Variants in PIRT observed in about 807,000 individuals in gnomAD.
PIRT encodes the protein phosphoinositide interacting regulator of transient receptor potential channels, also known as phosphoinositide-interacting protein.
A neutral mutation model predicts 7.9 loss-of-function variants in PIRT; 6 were observed. That is an observed-to-expected ratio of 0.76 (90% CI 0.42 to 1.51). PIRT has a LOEUF of 1.51. PIRT is among the 40% of genes most tolerant of loss of function. The probability of loss-of-function intolerance (pLI) is 0.01; values close to 1 mark genes in which losing one functional copy is unlikely to be tolerated. For missense variants in PIRT, 170 were observed against 172.9 expected (o/e 0.98, Z 0.09); for synonymous variants, 78 against 71.8 (o/e 1.09, Z -0.44).
rs1905291633 is a variant in PIRT at position 10,825,488 on chromosome 17, CG to C, written c.157del (p.Arg53AlafsTer27). On this transcript the variant is annotated frameshift_variant, in exon 2 of 2. Coordinates refer to ENST00000580256, the MANE Select transcript of PIRT (RefSeq NM_001101387.2). LOFTEE classifies it high-confidence loss of function. ...CACTGACATGATAACGATGGGCTTG[CG>C]GTAGATTTCCCAGTTACTCCTGGGG... ...TTPRSNWEIYRKPIVIMSVGG... is the reference protein window; with the variant it reads ...TTPRSNWEIYXKPIVIMSVGG... 1 of 1,613,720 alleles carries C rather than the reference CG, an allele frequency of 6.2e-7. No homozygotes were observed. Among genetic ancestry groups the C allele is most frequent in the South Asian group, 1.1e-5 (1 of 91,068 alleles).
chr17:10,832,413 G>A (rs549156300), intron 1 of PIRT, among the ~76,000 whole-genome samples: 12 of 152,120 alleles, frequency 7.9e-5, no homozygotes, highest in South Asian at 4.1e-4. Context: ...GGCTGGTCTC[G>A]AACTCCCAAC....
intron 1 of PIRT, among the ~76,000 whole-genome samples, chr17:10,826,660 T>C (rs1659091003): frequency 6.6e-6 from 1 of 152,202 alleles, no homozygotes; most frequent in African/African-American, 2.4e-5. Context: ...AGCAACTTCT[T>C]GAAGATCACA....
rs1238443789 is a variant in PIRT, at chr17:10,824,828, A to G, written c.*404T>C. 5.3e-6 allele frequency: 1 copy of G among 189,204 alleles called. No individual in the cohort carries two copies. The highest frequency in any genetic ancestry group is 1.1e-5 in the Non-Finnish European group (1 of 90,410). The allele number at this position is 189,204 out of a possible 1,614,324, so 11.7% of individuals were successfully genotyped here. On this transcript the variant is annotated 3_prime_UTR_variant, in exon 2 of 2. Transcript: ENST00000580256. The stretch of plus-strand genomic sequence containing the variant: ...TCCGTGGGTCAGTTTTGGTTCCAGA[A>G]GTATGCAAATGAAGAATCCAGCTCT...
In PIRT at chr17:10,825,139, T is replaced by A; in HGVS notation, c.*93A>T. 1 of 1,469,316 alleles carries A rather than the reference T, an allele frequency of 6.8e-7. No homozygotes were observed. The highest frequency in any genetic ancestry group is 2.1e-5 in the Admixed American group (1 of 47,496). 91.0% of individuals were successfully genotyped at this position (1,469,316 alleles called of 1,614,324 possible). A position where few individuals can be genotyped will look rare whatever the true frequency, so the allele number is the denominator to read the frequency against. The stretch of plus-strand genomic sequence containing the variant: ...CAGGAAGAGCATTTTCCTGGATCAG[T>A]TTTATGGCACCCCACAGAGGAGACA... On this transcript the variant is annotated 3_prime_UTR_variant, in exon 2 of 2. Transcript: ENST00000580256.
chr17:10,828,700 G>A (rs1905390918), intron 1 of PIRT, among the ~76,000 whole-genome samples: 1 of 152,134 alleles, frequency 6.6e-6, no homozygotes, highest in African/African-American at 2.4e-5. Flanking sequence ...CAATCCTTCC[G>A]ACGACGTCAA....
At position 10,832,261 on chromosome 17, in the gene PIRT, C is replaced by T. The variant is rs1003942321; in HGVS notation, c.-139+5684G>A. On this transcript the variant is annotated intron_variant, in intron 1 of 1. Coordinates refer to ENST00000580256, the MANE Select transcript of PIRT (RefSeq NM_001101387.2). The stretch of plus-strand genomic sequence containing the variant: ...AGGCTGGAGTGCAATGGCACGATCT[C>T]GGCTCACCGCAACCGCCGCCTCCTG... Among the ~76,000 whole-genome samples, 5 of 151,960 alleles carry T rather than the reference C, an allele frequency of 3.3e-5. No individual in the cohort carries two copies. In the East Asian group the frequency reaches 5.8e-4, roughly 18 times the overall value.
chr17:10,834,928 G>A (rs191591302), intron 1 of PIRT, among the ~76,000 whole-genome samples: 1 of 149,650 alleles, frequency 6.7e-6, no homozygotes, highest in African/African-American at 2.5e-5. Context: ...CAGAAGGTTA[G>A]AACCTGACTA....
chr17:10,828,488 A>G (rs1905385407), intron 1 of PIRT, among the ~76,000 whole-genome samples: 1 of 152,102 alleles, frequency 6.6e-6, no homozygotes, highest in Admixed American at 6.6e-5. Flanking sequence ...ATCTCTATTT[A>G]TGAGTGGGAT....
rs1286838467 is a variant in PIRT, at chr17:10,824,370, A to G, written c.*862T>C. 2.6e-5 allele frequency: 4 copies of G among 152,212 alleles called. No individual in the cohort carries two copies. The highest frequency in any genetic ancestry group is 9.6e-5 in the African/African-American group (4 of 41,452). The allele number at this position is 152,212 out of a possible 1,614,324, so 9.4% of individuals were successfully genotyped here. A position where few individuals can be genotyped will look rare whatever the true frequency, so the allele number is the denominator to read the frequency against. On this transcript the variant is annotated 3_prime_UTR_variant, in exon 2 of 2. Transcript: ENST00000580256. Reference sequence around the variant, plus strand: ...TTGATCTTGATGGACGTGAAAGGGAAAACAACCTTACAGGATCCCTCTGTA... The same window carrying G: ...TTGATCTTGATGGACGTGAAAGGGAGAACAACCTTACAGGATCCCTCTGTA...
At chr17:10,825,950 A>G (rs1905304033) in intron 1 of PIRT, among the ~76,000 whole-genome samples, 167 bp from the exon 2 acceptor site, 1 of 151,932 alleles carries the variant, frequency 6.6e-6, no homozygotes, top group South Asian at 2.1e-4. Flanking sequence ...AACAAGTTAT[A>G]GTTTTTTGTT....
In PIRT at chr17:10,823,211, T is replaced by A. The variant is rs1465950938; in HGVS notation, c.*2021A>T. On this transcript the variant is annotated 3_prime_UTR_variant, in exon 2 of 2. Coordinates refer to ENST00000580256, the MANE Select transcript of PIRT (RefSeq NM_001101387.2). ...AGGTTTGTCACTGAGGCACTAAAACTACAATTAACGACATAGCACTTGCAA... is the reference window on the plus strand; with the variant it reads ...AGGTTTGTCACTGAGGCACTAAAACAACAATTAACGACATAGCACTTGCAA... The A allele has an allele frequency of 6.6e-6, 1 of 152,248 alleles. No individual in the cohort carries two copies. The highest frequency in any genetic ancestry group is 2.4e-5 in the African/African-American group (1 of 41,454). The allele number at this position is 152,248 out of a possible 1,614,324, so 9.4% of individuals were successfully genotyped here.
chr17:10,835,224 C>T (rs531715092), intron 1 of PIRT, among the ~76,000 whole-genome samples: 4 of 152,306 alleles, frequency 2.6e-5, no homozygotes, highest in Admixed American at 6.5e-5. Flanking sequence ...AGAAGCCATG[C>T]GGCTGGGGAG....
chr17:10,826,692 C>G (rs1229667440), intron 1 of PIRT, among the ~76,000 whole-genome samples: 1 of 152,234 alleles, frequency 6.6e-6, no homozygotes, highest in Non-Finnish European at 1.5e-5. Context: ...AGCCTGAGCT[C>G]AGATTTGAAC....
At chr17:10,836,300 C>T (rs1905592612) in intron 1 of PIRT, among the ~76,000 whole-genome samples, 1 of 152,142 alleles carries the variant, frequency 6.6e-6, no homozygotes, top group African/African-American at 2.4e-5. Context: ...CCACCCTACA[C>T]CTGTACATCT....
At chr17:10,833,627 G>A (rs56764045) in intron 1 of PIRT, among the ~76,000 whole-genome samples, 30,075 of 151,910 alleles carry the variant, frequency 0.2, 3,362 homozygotes, top group African/African-American at 0.3. Flanking sequence ...GGTGGTGCAC[G>A]CCTATAATCC....
chr17:10,830,996 G>A (rs887102813), intron 1 of PIRT, among the ~76,000 whole-genome samples: 3 of 152,160 alleles, frequency 2.0e-5, no homozygotes, highest in African/African-American at 7.2e-5. Context: ...GTCCCCTGGG[G>A]TAGGCAAGAT....
At chr17:10,832,428 C>T (rs567448236) in intron 1 of PIRT, among the ~76,000 whole-genome samples, 19 of 152,010 alleles carry the variant, frequency 1.2e-4, no homozygotes, top group African/African-American at 4.6e-4. Flanking sequence ...CCCAACCTCA[C>T]GTGATCCGCC....
rs1392844156 is a variant in PIRT at position 10,822,651 on chromosome 17, T to G, written c.*2581A>C. ...AAGAGTCATTGCAGGTGATGCTTTG[T>G]TGCAGAAATGTGGAGTCTGACCTGG... is the stretch of plus-strand genomic sequence containing the variant. On this transcript the variant is annotated 3_prime_UTR_variant, in exon 2 of 2. Transcript: ENST00000580256. 6.6e-6 allele frequency: 1 copy of G among 152,166 alleles called. No homozygotes were observed. Among genetic ancestry groups the G allele is most frequent in the Non-Finnish European group, 1.5e-5 (1 of 68,040 alleles). The allele number at this position is 152,166 out of a possible 1,614,324, so 9.4% of individuals were successfully genotyped here.
Position 10,825,705 on chromosome 17 carries a change from G to A in PIRT, c.-60C>T, listed in dbSNP as rs1905298966. 11 of 1,435,808 alleles carry A rather than the reference G, an allele frequency of 7.7e-6. No homozygotes were observed. The highest frequency in any genetic ancestry group is 9.2e-6 in the Non-Finnish European group (10 of 1,089,412). 88.9% of individuals were successfully genotyped at this position (1,435,808 alleles called of 1,614,324 possible). On this transcript the variant is annotated 5_prime_UTR_variant, in exon 2 of 2. Transcript: ENST00000580256. ...AGTTGGAAACAAGAGTGGAGCCAAA[G>A]GAATCCTCACACACCCTTCCTGTAC...
Sources: gnomAD v4.1 joint callset for allele counts (sites outside exome capture counted in the v4.1 genomes callset) on GRCh38, gnomAD v4.1.1 for gene constraint, MANE v1.5 for transcripts, NCBI Gene and HGNC (gene_info 2026-07-23, HGNC 2026-07-21) for gene names.